The following SH3GL3 variants were observed in gnomAD, a reference collection of about 807,000 sequenced individuals.
The protein encoded by SH3GL3 is SH3 domain containing GRB2 like 3, endophilin A3, also known as endophilin-A3.
In SH3GL3, 33 loss-of-function variants were observed where a neutral mutation model predicts 47.7. That is an observed-to-expected ratio of 0.69 (90% CI 0.52 to 0.92). SH3GL3 has a LOEUF of 0.92. Ranked by LOEUF, SH3GL3 falls within the 40% of genes least tolerant of loss-of-function variation. The pLI, the probability that SH3GL3 is intolerant of heterozygous loss-of-function variation, is 0.00. For synonymous variants in SH3GL3, 155 were observed against 148.8 expected (o/e 1.04, Z -0.30); for missense variants, 363 against 417.8 (o/e 0.87, Z 1.14).
chr15:83,594,805 A>G (rs1051956057), intron 8 of SH3GL3, among the ~76,000 whole-genome samples: 1 of 152,152 alleles, frequency 6.6e-6, no homozygotes, highest in African/African-American at 2.4e-5. Flanking sequence ...ATCACCTACC[A>G]TCTCACATCA....
chr15:83,627,733 G>A, the SH3GL3 span, among the ~76,000 whole-genome samples: 1 of 152,182 alleles, frequency 6.6e-6, no homozygotes, highest in Non-Finnish European at 1.5e-5. Context: ...TTGAGAAAAA[G>A]TCTTTAGATA....
chr15:83,502,393 G>T, intron 1 of SH3GL3, among the ~76,000 whole-genome samples: 1 of 152,228 alleles, frequency 6.6e-6, no homozygotes, highest in Non-Finnish European at 1.5e-5. Flanking sequence ...GACAGGAGAG[G>T]CCGAGGCCTC....
At chr15:83,521,899 T>G (rs2043220378) in intron 1 of SH3GL3, among the ~76,000 whole-genome samples, 1 of 152,176 alleles carries the variant, frequency 6.6e-6, no homozygotes, top group African/African-American at 2.4e-5. Flanking sequence ...AATTTTGGAT[T>G]TATATGCATT....
At chr15:83,456,739 T>A (rs1404581910) in intron 1 of SH3GL3, among the ~76,000 whole-genome samples, 3 of 149,922 alleles carry the variant, frequency 2.0e-5, no homozygotes, top group Non-Finnish European at 4.4e-5. Flanking sequence ...ACCCGGTACC[T>A]CAGATGGAAA....
intron 8 of SH3GL3, among the ~76,000 whole-genome samples, chr15:83,612,705 G>C (rs2060701467): frequency 6.6e-6 from 1 of 152,138 alleles, no homozygotes; most frequent in African/African-American, 2.4e-5. Context: ...TCTTCTCACT[G>C]CAGGCCCCTT....
intron 1 of SH3GL3, among the ~76,000 whole-genome samples, chr15:83,449,905 C>T (rs1595991452): frequency 1.3e-5 from 2 of 152,044 alleles, no homozygotes; most frequent in Non-Finnish European, 2.9e-5. Context: ...GAAATCAGAC[C>T]GGTTTAATAT....
intron 1 of SH3GL3, among the ~76,000 whole-genome samples, chr15:83,511,020 A>G (rs991822759): frequency 1.3e-5 from 2 of 152,122 alleles, no homozygotes; most frequent in Non-Finnish European, 2.9e-5. Context: ...GCGGGATAGC[A>G]TTAGGAGATA....
intron 1 of SH3GL3, among the ~76,000 whole-genome samples, chr15:83,505,583 AG>A (rs1231094119): frequency 7.2e-6 from 1 of 138,012 alleles, no homozygotes; most frequent in Non-Finnish European, 1.5e-5. Context: ...GCTGGGGTGC[AG>A]TGATGCGATC....
chr15:83,481,274 CAAAAAAAA>C (rs5814148), intron 1 of SH3GL3, among the ~76,000 whole-genome samples: 2 of 116,196 alleles, frequency 1.7e-5, no homozygotes, highest in African/African-American at 6.5e-5. Context: ...CATTCTGTCT[CAAAAAAAA>C]AAAAAAAAAA....
intron 1 of SH3GL3, among the ~76,000 whole-genome samples, chr15:83,518,493 T>A (rs528310761): frequency 6.6e-6 from 1 of 152,240 alleles, no homozygotes; most frequent in Non-Finnish European, 1.5e-5. Flanking sequence ...TGATTAGAGA[T>A]GTGGAGCATT....
chr15:83,532,169 T>A lies in SH3GL3; in HGVS notation c.46-27084T>A, dbSNP rs1017562797. On this transcript the variant is annotated intron_variant, in intron 1 of 8. Transcript: ENST00000427482. ...GAAGATAGGCAAATAAGTAGAATGA[T>A]GAGTTTGTAAATTGTGTTTGAGGTA... Among the ~76,000 whole-genome samples, 13 of 152,308 alleles carry A rather than the reference T, an allele frequency of 8.5e-5. 1 individual carries two copies. In the East Asian group the frequency reaches 2.5e-3, roughly 29 times the overall value.
intron 1 of SH3GL3, among the ~76,000 whole-genome samples, chr15:83,469,241 T>C (rs1055803769): frequency 6.6e-6 from 1 of 152,154 alleles, no homozygotes; most frequent in Admixed American, 6.5e-5. Context: ...CTGGTAAAGG[T>C]TTGTCAGTTT....
At chr15:83,553,716 A>C (rs934707809) in intron 1 of SH3GL3, among the ~76,000 whole-genome samples, 1 of 152,358 alleles carries the variant, frequency 6.6e-6, no homozygotes, top group African/African-American at 2.4e-5. Flanking sequence ...TCCTGAACAC[A>C]CATGAATCTT....
intron 1 of SH3GL3, among the ~76,000 whole-genome samples, chr15:83,508,649 C>G (rs1259718150): frequency 3.3e-5 from 5 of 152,000 alleles, no homozygotes; most frequent in Admixed American, 1.3e-4. Context: ...ACGATCTCAG[C>G]TCACTGCAAC....
chr15:83,487,791 A>G (rs2041674378), intron 1 of SH3GL3, among the ~76,000 whole-genome samples: 1 of 151,754 alleles, frequency 6.6e-6, no homozygotes, highest in Non-Finnish European at 1.5e-5. Flanking sequence ...CATCCCAGGA[A>G]GCTCTTTTTG....
chr15:83,548,936 A>T (rs758111904), intron 1 of SH3GL3, among the ~76,000 whole-genome samples: 8 of 152,076 alleles, frequency 5.3e-5, no homozygotes, highest in Non-Finnish European at 1.2e-4. Flanking sequence ...TGATGTGCTT[A>T]TAGTGCTCTT....
At chr15:83,457,131 G>A (rs1028336193) in intron 1 of SH3GL3, among the ~76,000 whole-genome samples, 5 of 152,190 alleles carry the variant, frequency 3.3e-5, no homozygotes, top group Admixed American at 6.5e-5. Context: ...GCACACCTAT[G>A]TGTGTTCTGA....
At chr15:83,568,320 C>T (rs1024719846) in intron 3 of SH3GL3, among the ~76,000 whole-genome samples, 2 of 151,976 alleles carry the variant, frequency 1.3e-5, no homozygotes, top group African/African-American at 2.4e-5. Context: ...ATCGTGGCTG[C>T]GGAACAGTGC....
intron 2 of SH3GL3, among the ~76,000 whole-genome samples, chr15:83,559,631 A>G (rs1286068482): frequency 6.6e-6 from 1 of 152,246 alleles, no homozygotes; most frequent in Non-Finnish European, 1.5e-5. Flanking sequence ...AGTAATTGGT[A>G]GTATATGTTT....
Sources: gnomAD v4.1 joint callset for allele counts (sites outside exome capture counted in the v4.1 genomes callset) on GRCh38, gnomAD v4.1.1 for gene constraint, MANE v1.5 for transcripts, NCBI Gene and HGNC (gene_info 2026-07-23, HGNC 2026-07-21) for gene names.